The following TEAD2 variants were observed in gnomAD, a reference collection of about 807,000 sequenced individuals.
TEAD2 encodes the protein transcriptional enhancer factor TEF-4.
A neutral mutation model predicts 61.4 loss-of-function variants in TEAD2; 51 were observed. The ratio of observed to expected loss-of-function variants is 0.83; its 90% CI spans 0.66 to 1.05. The LOEUF (loss-of-function observed/expected upper bound fraction) is 1.05, where lower values mean the gene tolerates loss of function less well. Ranked by LOEUF, TEAD2 falls within the 50% of genes least tolerant of loss-of-function variation. The pLI is 0.00. For synonymous variants in TEAD2, 244 were observed against 243.2 expected (o/e 1.00, Z -0.03); for missense variants, 509 against 600.0 (o/e 0.85, Z 1.58).
rs1259031464 is a variant in TEAD2 at position 49,348,717 on chromosome 19, C to G, written c.733G>C (p.Asp245His). The G allele has an allele frequency of 6.2e-7, 1 of 1,614,036 alleles. No homozygotes were observed. Among genetic ancestry groups the G allele is most frequent in the Non-Finnish European group, 8.5e-7 (1 of 1,180,022 alleles). Residue 245 changes from aspartate (D) to histidine (H), a missense_variant, in exon 9 of 13, where the codon GAT becomes CAT. By Grantham distance (81) the Asp-to-His change is moderately conservative. Transcript: ENST00000593945. ...ATTTCACTCACAGAATCAACTGCAT[C>G]TGGCGGTTCCACGAAGGCTGAGAAC... ...VEFSAFVEPP[D>H]AVDSYQRHLF...
At chr19:49,348,891 G>C in intron 8 of TEAD2, 46 bp from the exon 9 acceptor site, 1 of 1,454,704 alleles carries the variant, frequency 6.9e-7, no homozygotes, top group Non-Finnish European at 9.1e-7. Context: ...AACATTTATG[G>C]AATATATCAG....
At position 49,343,080 on chromosome 19, in the gene TEAD2, T is replaced by G. The variant is rs1971403811; in HGVS notation, c.1089+151A>C. ...TGATCCCTGCCTGTGACTTCTGAACTGCCCATTAGCTCCCAACGCATGCAT... is the reference window on the plus strand; with the variant it reads ...TGATCCCTGCCTGTGACTTCTGAACGGCCCATTAGCTCCCAACGCATGCAT... On this transcript the variant is annotated intron_variant, in intron 11 of 12. Coordinates refer to ENST00000593945, the MANE Select transcript of TEAD2 (RefSeq NM_001256660.2). 4 of 870,582 alleles carry G rather than the reference T, an allele frequency of 4.6e-6. No individual in the cohort carries two copies. In the East Asian group the frequency reaches 8.1e-5, roughly 18 times the overall value. 53.9% of individuals were successfully genotyped at this position (870,582 alleles called of 1,614,324 possible).
In TEAD2 at chr19:49,357,225, T is replaced by G. The variant is rs779955052; in HGVS notation, c.360+27A>C. The G allele has an allele frequency of 1.9e-5, 27 of 1,451,594 alleles. No homozygotes were observed. In the Middle Eastern group the frequency reaches 8.8e-4, roughly 47 times the overall value. 89.9% of individuals were successfully genotyped at this position (1,451,594 alleles called of 1,614,324 possible). ...CCCCCACCCCCAGTCTCTGTCCCCC[T>G]CTCAGGATGTCTGCATTGGTCCCTA... is the stretch of plus-strand genomic sequence containing the variant. On this transcript the variant is annotated intron_variant, in intron 4 of 12. Transcript: ENST00000593945.
rs1233951725 is a variant in TEAD2 at position 49,355,216 on chromosome 19, A to G, written c.481-10T>C. 1 of 1,613,502 alleles carries G rather than the reference A, an allele frequency of 6.2e-7. No homozygotes were observed. Among genetic ancestry groups the G allele is most frequent in the African/African-American group, 1.3e-5 (1 of 74,882 alleles). ...GGAAAAGCTCAGAGGCCTGGATAGGACACAAAGAAAAATGGTTGGTCAGTC... is the reference window on the plus strand; with the variant it reads ...GGAAAAGCTCAGAGGCCTGGATAGGGCACAAAGAAAAATGGTTGGTCAGTC... On this transcript the variant is annotated splice_polypyrimidine_tract_variant and intron_variant, in intron 6 of 12. Coordinates refer to ENST00000593945, the MANE Select transcript of TEAD2 (RefSeq NM_001256660.2).
intron 9 of TEAD2, among the ~76,000 whole-genome samples, chr19:49,348,461 T>C (rs1971789341): frequency 6.7e-6 from 1 of 150,018 alleles, no homozygotes; most frequent in Non-Finnish European, 1.5e-5. Flanking sequence ...TCCTTTATGC[T>C]AGTAGTTCTC....
At chr19:49,357,003 C>T (rs1646286349) in intron 4 of TEAD2, among the ~76,000 whole-genome samples, 2 of 150,996 alleles carry the variant, frequency 1.3e-5, no homozygotes, top group African/African-American at 4.9e-5. Context: ...GGTCTCTGTC[C>T]CTCTCTCTCT....
chr19:49,359,418 C>G lies in TEAD2; in HGVS notation c.297+17G>C, dbSNP rs371454611. ...CCGGCCCATCCCAGACAGAAGCCCA[C>G]AAGTCCATTCCGAGACCTGTTTTCG... On this transcript the variant is annotated intron_variant, in intron 3 of 12. Transcript: ENST00000593945. The surrounding 1 kb of genome is among the most constrained non-coding windows in gnomAD (Gnocchi z 4.1). 2.2e-4 allele frequency: 355 copies of G among 1,613,884 alleles called. 1 individual carries two copies. In the African/African-American group the frequency reaches 4.3e-3, roughly 19 times the overall value.
intron 8 of TEAD2, 51 bp downstream of exon 8, chr19:49,351,250 G>A (rs746547932): frequency 2.0e-6 from 3 of 1,535,868 alleles, no homozygotes; most frequent in South Asian, 2.3e-5. Flanking sequence ...AAGGCAGTAG[G>A]GGTCGAAGAG....
chr19:49,358,636 CTTT>C (rs113776627), intron 3 of TEAD2, among the ~76,000 whole-genome samples: 4 of 141,026 alleles, frequency 2.8e-5, no homozygotes, highest in African/African-American at 2.6e-5. Context: ...TTCTTTCTTT[CTTT>C]TTTTTTTTTT....
At chr19:49,355,482 T>G in intron 5 of TEAD2, 63 bp from the exon 6 acceptor site, 1 of 1,420,758 alleles carries the variant, frequency 7.0e-7, no homozygotes, top group Non-Finnish European at 9.9e-7. Context: ...AAGAGGGGGA[T>G]GGTGCCAGGG....
At chr19:49,343,074 C>G (rs1051318536) in intron 11 of TEAD2, among the ~76,000 whole-genome samples, 157 bp downstream of exon 11, 4 of 152,182 alleles carry the variant, frequency 2.6e-5, no homozygotes, top group Admixed American at 6.5e-5. Context: ...CCTGTGACTT[C>G]TGAACTGCCC....
At chr19:49,360,921 G>A (rs1481747129) in intron 1 of TEAD2, among the ~76,000 whole-genome samples, 29 of 130,682 alleles carry the variant, frequency 2.2e-4, no homozygotes, top group African/African-American at 7.8e-4. Flanking sequence ...GAGAGAGAAG[G>A]GGACAGAGAC....
In TEAD2 at chr19:49,359,131, G is replaced by A. The variant is rs1403491755; in HGVS notation, c.297+304C>T. Among the ~76,000 whole-genome samples, 2 of 151,964 alleles carry A rather than the reference G, an allele frequency of 1.3e-5. No individual in the cohort carries two copies. Among genetic ancestry groups the A allele is most frequent in the South Asian group, 2.1e-4 (1 of 4,816 alleles). Reference sequence around the variant, plus strand: ...TGCATGTCTGTAATCCCTGCTACTCGGGAGGCTGAGACAGGAGAATTGCTT... The same window carrying A: ...TGCATGTCTGTAATCCCTGCTACTCAGGAGGCTGAGACAGGAGAATTGCTT... On this transcript the variant is annotated intron_variant, in intron 3 of 12. Coordinates refer to ENST00000593945, the MANE Select transcript of TEAD2 (RefSeq NM_001256660.2). The surrounding 1 kb of genome is among the most constrained non-coding windows in gnomAD (Gnocchi z 4.1).
intron 7 of TEAD2, 77 bp from the exon 8 acceptor site, chr19:49,351,442 A>G: frequency 7.3e-7 from 1 of 1,372,240 alleles, no homozygotes; most frequent in Non-Finnish European, 1.0e-6. Flanking sequence ...CTGAGAGGCC[A>G]CAACAAGCAA....
chr19:49,340,961 A>G lies in TEAD2; in HGVS notation c.*363T>C. 1 of 218,644 alleles carries G rather than the reference A, an allele frequency of 4.6e-6. No homozygotes were observed. The highest frequency in any genetic ancestry group is 7.5e-5 in the South Asian group (1 of 13,312). The allele number at this position is 218,644 out of a possible 1,614,324, so 13.5% of individuals were successfully genotyped here. A position where few individuals can be genotyped will look rare whatever the true frequency, so the allele number is the denominator to read the frequency against. On this transcript the variant is annotated 3_prime_UTR_variant, in exon 13 of 13. Coordinates refer to ENST00000593945, the MANE Select transcript of TEAD2 (RefSeq NM_001256660.2). ...GCCAATGTGTAACTAGCGCTCTCCA[A>G]GACATGCAGAGGAGTGGGGGTGGCC...
intron 10 of TEAD2, among the ~76,000 whole-genome samples, chr19:49,343,931 G>A (rs190976577): frequency 9.3e-4 from 138 of 148,642 alleles, no homozygotes; most frequent in Middle Eastern, 3.4e-3. Context: ...CTGCAGCCTC[G>A]ACCTCCTGAG....
chr19:49,359,795 G>A lies in TEAD2; in HGVS notation c.232+49C>T, dbSNP rs1384278283. 6.3e-7 allele frequency: 1 copy of A among 1,578,468 alleles called. No homozygotes were observed. The highest frequency in any genetic ancestry group is 8.7e-7 in the Non-Finnish European group (1 of 1,153,972). On this transcript the variant is annotated intron_variant, in intron 2 of 12. Coordinates refer to ENST00000593945, the MANE Select transcript of TEAD2 (RefSeq NM_001256660.2). This position sits in a 1 kb window ranked among gnomAD's most constrained non-coding sequence, Gnocchi z 4.1. ...GAGTGCTCCATAAACCTTGGTTACT[G>A]TCATTATTCATCAGTGGGGGCCAGG...
intron 4 of TEAD2, among the ~76,000 whole-genome samples, chr19:49,356,527 G>T (rs1972411989): frequency 6.6e-6 from 1 of 152,054 alleles, no homozygotes; most frequent in Non-Finnish European, 1.5e-5. Context: ...AGAAGGAAAT[G>T]AATGAGGAAT....
intron 8 of TEAD2, among the ~76,000 whole-genome samples, chr19:49,349,731 G>C (rs541541118): frequency 1.3e-5 from 2 of 152,204 alleles, no homozygotes; most frequent in East Asian, 3.9e-4. Context: ...GCATAGGCTG[G>C]CAACATGCTT....
Sources: allele counts gnomAD v4.1 joint callset (sites outside exome capture counted in the v4.1 genomes callset), GRCh38; gene constraint gnomAD v4.1.1; non-coding constraint Gnocchi (gnomAD v3.1); transcripts MANE v1.5; gene names NCBI Gene and HGNC (gene_info 2026-07-23, HGNC 2026-07-21).